Variants in LRRC28 observed in about 807,000 individuals in gnomAD.
LRRC28 encodes the protein leucine-rich repeat-containing protein 28.
Under a neutral mutation model 45.7 loss-of-function variants are expected in LRRC28, and 39 were observed. That is an observed-to-expected ratio of 0.85 (90% CI 0.66 to 1.12). The LOEUF (loss-of-function observed/expected upper bound fraction) is 1.12. Among genes scored for constraint, LRRC28 ranks in the 50% most tolerant of loss-of-function variants. The pLI is 0.00. For missense variants in LRRC28, 435 were observed against 438.5 expected, an observed-to-expected ratio of 0.99 and a Z score of 0.07; for synonymous variants, 206 against 178.8, an observed-to-expected ratio of 1.15 and a Z score of -1.22.
chr15:99,299,964 C>T (rs2082355800), intron 5 of LRRC28, among the ~76,000 whole-genome samples: 1 of 152,108 alleles, frequency 6.6e-6, no homozygotes, highest in Non-Finnish European at 1.5e-5. Flanking sequence ...GTCTGATCTA[C>T]TTCTTAGCTG....
intron 9 of LRRC28, among the ~76,000 whole-genome samples, chr15:99,371,152 A>G (rs1246581983): frequency 1.3e-5 from 2 of 152,076 alleles, no homozygotes; most frequent in Non-Finnish European, 2.9e-5. Context: ...TGTAAAAAAA[A>G]TTTTCAGGTT....
rs1454094108 is a variant in LRRC28, at chr15:99,387,990, A to C, written c.*1888A>C. On this transcript the variant is annotated 3_prime_UTR_variant, in exon 10 of 10. Coordinates refer to ENST00000301981, the MANE Select transcript of LRRC28 (RefSeq NM_144598.5). ...TACCGTGTGTTCCCACTGTATCTGCACTGTTCTTACTTCCTCTTGTCCCTT... is the reference window on the plus strand; with the variant it reads ...TACCGTGTGTTCCCACTGTATCTGCCCTGTTCTTACTTCCTCTTGTCCCTT... 6.6e-6 allele frequency: 1 copy of C among 152,232 alleles called. No individual in the cohort carries two copies. Among genetic ancestry groups the C allele is most frequent in the East Asian group, 1.9e-4 (1 of 5,206 alleles). The allele number at this position is 152,232 out of a possible 1,614,324, so 9.4% of individuals were successfully genotyped here.
chr15:99,278,106 T>A (rs2081669260), intron 3 of LRRC28, among the ~76,000 whole-genome samples: 1 of 152,234 alleles, frequency 6.6e-6, no homozygotes, highest in African/African-American at 2.4e-5. Flanking sequence ...TACTCTTATG[T>A]TGGAAAATAC....
intron 7 of LRRC28, chr15:99,355,824 A>C (rs1213275756): frequency 1.3e-5 from 2 of 152,186 alleles, no homozygotes; most frequent in Non-Finnish European, 2.9e-5. Flanking sequence ...AAATTGGTTA[A>C]ATACTATTCT....
intron 5 of LRRC28, among the ~76,000 whole-genome samples, chr15:99,322,676 C>T (rs542249540): frequency 2.1e-4 from 32 of 152,266 alleles, no homozygotes; most frequent in East Asian, 7.7e-4. Flanking sequence ...TTCAGACCCC[C>T]ATTAGGGTCC....
chr15:99,371,347 T>A (rs540286417), intron 9 of LRRC28, among the ~76,000 whole-genome samples: 1 of 152,296 alleles, frequency 6.6e-6, no homozygotes, highest in African/African-American at 2.4e-5. Context: ...CTTGGTCTTC[T>A]GGGCCGGAGT....
chr15:99,336,641 C>A (rs1956332724), intron 6 of LRRC28, among the ~76,000 whole-genome samples: 1 of 152,180 alleles, frequency 6.6e-6, no homozygotes, highest in Non-Finnish European at 1.5e-5. Flanking sequence ...CTACCCACTC[C>A]GTACGCCAAC....
chr15:99,361,188 G>A (rs918377281), intron 7 of LRRC28, 148 bp from the exon 8 acceptor site: 15 of 967,938 alleles, frequency 1.5e-5, no homozygotes, highest in African/African-American at 5.0e-5. Flanking sequence ...GAAGGAACCC[G>A]GGATAGCATC....
At chr15:99,302,089 C>T (rs182102926) in intron 5 of LRRC28, among the ~76,000 whole-genome samples, 89 of 150,898 alleles carry the variant, frequency 5.9e-4, no homozygotes, top group East Asian at 4.7e-3. Context: ...TGCAGAGGCG[C>T]GATCTCAGCT....
At chr15:99,318,555 G>T (rs1015552780) in intron 5 of LRRC28, among the ~76,000 whole-genome samples, 2 of 151,886 alleles carry the variant, frequency 1.3e-5, no homozygotes, top group East Asian at 3.8e-4. Flanking sequence ...AATCATTTTT[G>T]AGTCTTTTTT....
chr15:99,273,741 G>A, intron 2 of LRRC28, among the ~76,000 whole-genome samples: 1 of 152,224 alleles, frequency 6.6e-6, no homozygotes, highest in East Asian at 1.9e-4. Context: ...GGAAAGATTA[G>A]AATGCTATTT....
intron 2 of LRRC28, among the ~76,000 whole-genome samples, chr15:99,262,555 C>T (rs965143561): frequency 6.6e-6 from 1 of 152,246 alleles, no homozygotes; most frequent in African/African-American, 2.4e-5. Flanking sequence ...GCACGCCAGC[C>T]TGGACAACAG....
chr15:99,323,468 G>A (rs1955869902), intron 5 of LRRC28, among the ~76,000 whole-genome samples: 1 of 152,170 alleles, frequency 6.6e-6, no homozygotes, highest in South Asian at 2.1e-4. Flanking sequence ...GTTAACTTAA[G>A]TGTGTGGGAC....
At chr15:99,259,687 TC>T in intron 2 of LRRC28, 2 of 1,385,516 alleles carry the variant, frequency 1.4e-6, no homozygotes, top group Non-Finnish European at 2.1e-6. Context: ...ATCCCAGACA[TC>T]CGCTGATCAG....
intron 7 of LRRC28, among the ~76,000 whole-genome samples, chr15:99,360,713 G>A (rs1957176899): frequency 6.6e-6 from 1 of 152,206 alleles, no homozygotes; most frequent in Admixed American, 6.5e-5. Context: ...GAAATAGAAT[G>A]AGATTGGATT....
At chr15:99,307,087 CTG>C (rs1955212513) in intron 5 of LRRC28, among the ~76,000 whole-genome samples, 1 of 152,168 alleles carries the variant, frequency 6.6e-6, no homozygotes, top group Admixed American at 6.5e-5. Flanking sequence ...TGCCATTAGA[CTG>C]TATGTAAACA....
rs149099322 is a variant in LRRC28 at position 99,256,050 on chromosome 15, A to G, written c.93A>G (p.Pro31=). The G allele has an allele frequency of 5.0e-6, 8 of 1,613,840 alleles. No individual in the cohort carries two copies. The African/African-American group carries it at 9.3e-5, about 19-fold the overall frequency. ...FLNYRNLHHF[P]LELLKDEGLQ... ...ATTATAGGAATCTGCACCATTTTCCATTGGAGTTACTGAAAGATGAGGGAC... is the reference window on the plus strand; with the variant it reads ...ATTATAGGAATCTGCACCATTTTCCGTTGGAGTTACTGAAAGATGAGGGAC... Residue 31 remains proline (P), a synonymous_variant, in exon 2 of 10, where the codon CCA becomes CCG. Coordinates refer to ENST00000301981, the MANE Select transcript of LRRC28 (RefSeq NM_144598.5).
intron 5 of LRRC28, among the ~76,000 whole-genome samples, chr15:99,311,210 G>A (rs1597315476): frequency 6.6e-6 from 1 of 152,140 alleles, no homozygotes; most frequent in South Asian, 2.1e-4. Flanking sequence ...CTTGCATTTT[G>A]ACTGCAACCT....
chr15:99,387,088 TCTCG>T lies in LRRC28; in HGVS notation c.*990_*993del, dbSNP rs1958021398. 1 of 151,456 alleles carries T rather than the reference TCTCG, an allele frequency of 6.6e-6. No homozygotes were observed. Among genetic ancestry groups the T allele is most frequent in the Non-Finnish European group, 1.5e-5 (1 of 67,858 alleles). The allele number at this position is 151,456 out of a possible 1,614,324, so 9.4% of individuals were successfully genotyped here. On this transcript the variant is annotated 3_prime_UTR_variant, in exon 10 of 10. Coordinates refer to ENST00000301981, the MANE Select transcript of LRRC28 (RefSeq NM_144598.5). The stretch of plus-strand genomic sequence containing the variant: ...TTTTTTTGTTGTTGTTGAGACGGAG[TCTCG>T]CTCTGTCGCCCAGGCTGGAGTGCAG...
Sources: allele counts gnomAD v4.1 joint callset (sites outside exome capture counted in the v4.1 genomes callset), GRCh38; gene constraint gnomAD v4.1.1; transcripts MANE v1.5; gene names NCBI Gene and HGNC (gene_info 2026-07-23, HGNC 2026-07-21).